Variants in NR2F1-AS1 observed in about 807,000 individuals in gnomAD.
The protein encoded by NR2F1-AS1 is NR2F1 antisense RNA 1.
At chr5:93,539,479 CAAGTT>C (rs1252579918) in intron 4 of NR2F1-AS1, among the ~76,000 whole-genome samples, 1 of 151,994 alleles carries the variant, frequency 6.6e-6, no homozygotes, top group Non-Finnish European at 1.5e-5. Flanking sequence ...TGGAGGACAT[CAAGTT>C]AAGTGAAATA....
intron 4 of NR2F1-AS1, among the ~76,000 whole-genome samples, chr5:93,439,386 C>G (rs976323708): frequency 3.9e-5 from 6 of 152,192 alleles, no homozygotes; most frequent in African/African-American, 1.4e-4. Context: ...CTCCGCCCCC[C>G]GGGGTTCACG....
intron 4 of NR2F1-AS1, among the ~76,000 whole-genome samples, chr5:93,523,420 AG>A (rs1394168981): frequency 1.3e-5 from 2 of 152,196 alleles, no homozygotes; most frequent in African/African-American, 2.4e-5. Flanking sequence ...CTGTGGGTGC[AG>A]CTTCAGCAGA....
chr5:93,483,643 A>G (rs1292632720), intron 4 of NR2F1-AS1, among the ~76,000 whole-genome samples: 1 of 152,174 alleles, frequency 6.6e-6, no homozygotes, highest in Non-Finnish European at 1.5e-5. Flanking sequence ...GGGTAATAAC[A>G]AACTCCTCTG....
chr5:93,530,550 A>G (rs1467862847), intron 4 of NR2F1-AS1, among the ~76,000 whole-genome samples: 1 of 152,156 alleles, frequency 6.6e-6, no homozygotes, highest in Admixed American at 6.5e-5. Flanking sequence ...AGAAGGACCA[A>G]TGGTAACAAC....
intron 1 of NR2F1-AS1, among the ~76,000 whole-genome samples, chr5:93,573,584 C>T (rs1469404553): frequency 6.6e-6 from 1 of 152,140 alleles, no homozygotes; most frequent in Admixed American, 6.5e-5. Context: ...TAAATTTAAC[C>T]AAGGCTAAAG....
At chr5:93,442,729 G>T (rs1266438082) in intron 4 of NR2F1-AS1, among the ~76,000 whole-genome samples, 2 of 152,208 alleles carry the variant, frequency 1.3e-5, no homozygotes, top group Non-Finnish European at 2.9e-5. Context: ...TCTGAGAATG[G>T]ACAGACTGCC....
At chr5:93,501,627 T>C (rs1050274202) in intron 4 of NR2F1-AS1, among the ~76,000 whole-genome samples, 5 of 152,140 alleles carry the variant, frequency 3.3e-5, no homozygotes, top group Non-Finnish European at 5.9e-5. Context: ...GTGCTGAGAT[T>C]ACAGGTATGA....
At chr5:93,483,996 A>G (rs1370452986) in intron 4 of NR2F1-AS1, among the ~76,000 whole-genome samples, 2 of 152,196 alleles carry the variant, frequency 1.3e-5, no homozygotes, top group African/African-American at 4.8e-5. Flanking sequence ...GCAAGTGATG[A>G]GGAGAATGGA....
chr5:93,505,389 G>A (rs907365009), intron 4 of NR2F1-AS1, among the ~76,000 whole-genome samples: 9 of 152,124 alleles, frequency 5.9e-5, no homozygotes, highest in Admixed American at 2.0e-4. Flanking sequence ...TCTGGAAGAC[G>A]GTGCCCCTCT....
intron 4 of NR2F1-AS1, among the ~76,000 whole-genome samples, chr5:93,439,079 T>G (rs1056260903): frequency 6.6e-6 from 1 of 152,248 alleles, no homozygotes; most frequent in African/African-American, 2.4e-5. Context: ...GATTTGAATC[T>G]GACTAAACTC....
At chr5:93,531,564 A>C (rs1259011578) in intron 4 of NR2F1-AS1, among the ~76,000 whole-genome samples, 1 of 152,218 alleles carries the variant, frequency 6.6e-6, no homozygotes, top group South Asian at 2.1e-4. Context: ...ACCATCTCAA[A>C]GAAGTATATT....
chr5:93,413,513 G>A (rs769688391), intron 4 of NR2F1-AS1, among the ~76,000 whole-genome samples: 35 of 152,170 alleles, frequency 2.3e-4, no homozygotes, highest in Admixed American at 5.2e-4. Context: ...CCACATGGCC[G>A]GTGTGATAAA....
chr5:93,585,220 C>T (rs2149941519), upstream of NR2F1-AS1: 2 of 1,546,382 alleles, frequency 1.3e-6, no homozygotes, highest in Middle Eastern at 1.7e-4. Context: ...ACCCCCGGCA[C>T]GGCGGGGGAC....
intron 2 of NR2F1-AS1, among the ~76,000 whole-genome samples, chr5:93,556,146 G>C (rs557684488): frequency 6.6e-6 from 1 of 152,158 alleles, no homozygotes; most frequent in South Asian, 2.1e-4. Flanking sequence ...CTCTGGCCCC[G>C]AATGCCCATC....
chr5:93,514,337 A>G (rs956291274), intron 4 of NR2F1-AS1, among the ~76,000 whole-genome samples: 3 of 152,152 alleles, frequency 2.0e-5, no homozygotes, highest in Non-Finnish European at 4.4e-5. Flanking sequence ...AAACATGAAT[A>G]TAAGCTACAC....
chr5:93,538,356 C>G (rs535551349), intron 4 of NR2F1-AS1, among the ~76,000 whole-genome samples: 20 of 152,110 alleles, frequency 1.3e-4, no homozygotes, highest in African/African-American at 4.8e-4. Flanking sequence ...GGCCTGTAGT[C>G]CCCCACTGCT....
At chr5:93,451,893 C>A (rs760546474) in intron 4 of NR2F1-AS1, among the ~76,000 whole-genome samples, 1 of 152,202 alleles carries the variant, frequency 6.6e-6, no homozygotes, top group African/African-American at 2.4e-5. Flanking sequence ...GCTTTGCTTA[C>A]AGCTGAGGCT....
intron 1 of NR2F1-AS1, among the ~76,000 whole-genome samples, chr5:93,568,664 G>T (rs1752669621): frequency 6.6e-6 from 1 of 152,058 alleles, no homozygotes; most frequent in African/African-American, 2.4e-5. Flanking sequence ...TTTTTGAGTG[G>T]CATGTTCGAG....
chr5:93,438,002 G>T (rs918750494), intron 4 of NR2F1-AS1, among the ~76,000 whole-genome samples: 1 of 152,070 alleles, frequency 6.6e-6, no homozygotes, highest in African/African-American at 2.4e-5. Flanking sequence ...TATGCTTCTG[G>T]GTTAGAGGGT....
Sources: allele counts gnomAD v4.1 joint callset (sites outside exome capture counted in the v4.1 genomes callset), GRCh38; gene constraint gnomAD v4.1.1; transcripts MANE v1.5; gene names NCBI Gene and HGNC (gene_info 2026-07-23, HGNC 2026-07-21).